Variants in GRP observed in about 807,000 individuals in gnomAD.
The protein encoded by GRP is gastrin releasing peptide.
GRP carries 11 observed loss-of-function variants against 12.7 expected under a neutral mutation model. The ratio of observed to expected loss-of-function variants is 0.87; its 90% CI spans 0.55 to 1.44. GRP has a LOEUF of 1.44. Ranked by LOEUF, GRP falls within the 40% of genes most tolerant of loss-of-function variation. GRP has a pLI of 0.00. For missense variants in GRP, 212 were observed against 185.4 expected, an observed-to-expected ratio of 1.14 and a Z score of -0.83; for synonymous variants, 84 against 77.7, an observed-to-expected ratio of 1.08 and a Z score of -0.43.
chr18:59,224,869 C>G (rs58564499), intron 1 of GRP, among the ~76,000 whole-genome samples: 4,989 of 152,288 alleles, frequency 0.033, 109 homozygotes, highest in African/African-American at 0.061. Flanking sequence ...TTTTTCACTA[C>G]ACTCTTAACA....
At chr18:59,225,856 G>A in intron 2 of GRP, 122 bp downstream of exon 2, 1 of 806,746 alleles carries the variant, frequency 1.2e-6, no homozygotes, top group Admixed American at 2.5e-5. Flanking sequence ...CACTACATTA[G>A]GCTAACACAT....
At chr18:59,227,002 T>TTTCTTTCC (rs2069937391) in intron 2 of GRP, among the ~76,000 whole-genome samples, 1 of 100,520 alleles carries the variant, frequency 9.9e-6, no homozygotes, top group African/African-American at 4.0e-5. Flanking sequence ...CCTTTCTTTC[T>TTTCTTTCC]TTCTTTCTTT....
chr18:59,219,601 CA>C (rs2069795009), upstream of GRP, among the ~76,000 whole-genome samples: 1 of 143,970 alleles, frequency 6.9e-6, no homozygotes, highest in Admixed American at 7.2e-5. Flanking sequence ...AAGAAAGAGG[CA>C]AGGTCCAGAA....
chr18:59,227,001 CT>C (rs2069937201), intron 2 of GRP, among the ~76,000 whole-genome samples: 1 of 66,184 alleles, frequency 1.5e-5, no homozygotes, highest in African/African-American at 5.4e-5. Context: ...TCCTTTCTTT[CT>C]TTCTTTCTTT....
At chr18:59,228,844 G>C (rs1478216654) in intron 2 of GRP, among the ~76,000 whole-genome samples, 5 of 152,124 alleles carry the variant, frequency 3.3e-5, no homozygotes, top group Non-Finnish European at 7.4e-5. Flanking sequence ...TCACTGTCCT[G>C]GGTTTCAATG....
chr18:59,220,779 T>C (rs895206295), intron 1 of GRP, among the ~76,000 whole-genome samples: 24 of 152,302 alleles, frequency 1.6e-4, no homozygotes, highest in Non-Finnish European at 2.9e-4. Context: ...GGTACTCTCC[T>C]AGAATAATCT....
At chr18:59,225,824 T>C in intron 2 of GRP, 90 bp downstream of exon 2, 1 of 1,219,106 alleles carries the variant, frequency 8.2e-7, no homozygotes, top group Non-Finnish European at 1.2e-6. Context: ...ATAGAATTGC[T>C]TATGATATAA....
At chr18:59,221,646 G>T (rs2069837800) in intron 1 of GRP, among the ~76,000 whole-genome samples, 1 of 151,792 alleles carries the variant, frequency 6.6e-6, no homozygotes, top group Non-Finnish European at 1.5e-5. Flanking sequence ...TAGAACGGGC[G>T]CTGGGGAACG....
Position 59,225,636 on chromosome 18 carries a change from A to T in GRP, c.284A>T (p.Asn95Ile). Reference sequence around the variant, plus strand: ...CTCATAGAAGCAAAGGAGAACAGAAACCACCAGCCACCTCAACCCAAGGCC... The same window carrying T: ...CTCATAGAAGCAAAGGAGAACAGAATCCACCAGCCACCTCAACCCAAGGCC... ...LGLIEAKENR[N>I]HQPPQPKALG... Residue 95 changes from asparagine (N) to isoleucine (I), a missense_variant, in exon 2 of 3, where the codon AAC (asparagine) becomes ATC (isoleucine). By Grantham distance (149) the Asn-to-Ile change is moderately radical. Coordinates refer to ENST00000256857, the MANE Select transcript of GRP (RefSeq NM_002091.5). 6.2e-7 allele frequency: 1 copy of T among 1,614,128 alleles called. No individual in the cohort carries two copies. The highest frequency in any genetic ancestry group is 8.5e-7 in the Non-Finnish European group (1 of 1,180,008).
rs750477305 is a variant in GRP at position 59,225,707 on chromosome 18, T to TATCC, written c.355_356insATCC (p.Phe119TyrfsTer13). The TATCC allele has an allele frequency of 1.2e-6, 2 of 1,613,958 alleles. No homozygotes were observed. Among genetic ancestry groups the TATCC allele is most frequent in the South Asian group, 2.2e-5 (2 of 91,054 alleles). ...GTGGGATTCAGAGGATAGCAGCAAC[T>TATCC]TCAAAGATGTAGGTTCAAAAGGCAA... On this transcript the variant is annotated frameshift_variant, in exon 2 of 3. Coordinates refer to ENST00000256857, the MANE Select transcript of GRP (RefSeq NM_002091.5). LOFTEE classifies it low-confidence loss of function (END_TRUNC).
intron 2 of GRP, 141 bp downstream of exon 2, chr18:59,225,875 C>A: frequency 1.5e-6 from 1 of 645,506 alleles, no homozygotes. Context: ...ATGCTAAGCA[C>A]ATTGACAGAC....
Position 59,220,368 on chromosome 18 carries a change from A to T in GRP, c.103A>T (p.Thr35Ser), listed in dbSNP as rs1485501052. ...PLPAGGGTVLTKMYPRGNHWA... is the reference protein window; with the variant it reads ...PLPAGGGTVLSKMYPRGNHWA... ...GCCTGCGGGCGGAGGGACCGTGCTGACCAAGATGTACCCGCGCGGCAACCA... is the reference window on the plus strand; with the variant it reads ...GCCTGCGGGCGGAGGGACCGTGCTGTCCAAGATGTACCCGCGCGGCAACCA... The change falls in exon 1 of 3, where the codon ACC becomes TCC. Residue 35 changes from threonine to serine, a missense_variant. Physicochemically the swap from Thr to Ser is moderately conservative, Grantham distance 58 (BLOSUM62 1). Transcript: ENST00000256857. 1 of 1,431,312 alleles carries T rather than the reference A, an allele frequency of 7.0e-7. No homozygotes were observed. Among genetic ancestry groups the T allele is most frequent in the African/African-American group, 1.5e-5 (1 of 67,034 alleles). 88.7% of individuals were successfully genotyped at this position (1,431,312 alleles called of 1,614,324 possible).
upstream of GRP, among the ~76,000 whole-genome samples, chr18:59,219,486 GGGTAT>G (rs1439256449): frequency 1.2e-3 from 92 of 76,306 alleles, 9 homozygotes; most frequent in African/African-American, 4.3e-3. Flanking sequence ...GGGGAGGGGA[GGGTAT>G]GGGAGTGGAG....
intron 2 of GRP, among the ~76,000 whole-genome samples, chr18:59,229,967 A>C (rs967771624): frequency 2.0e-4 from 31 of 152,312 alleles, no homozygotes; most frequent in Middle Eastern, 3.4e-3. Flanking sequence ...AAAGTAAGCA[A>C]AGTAAGAATT....
rs767058198 is a variant in GRP, at chr18:59,220,256, C to G, written c.-10C>G. 8.7e-6 allele frequency: 13 copies of G among 1,493,810 alleles called. No individual in the cohort carries two copies. Among genetic ancestry groups the G allele is most frequent in the East Asian group, 2.7e-5 (1 of 36,408 alleles). The allele number at this position is 1,493,810 out of a possible 1,614,324, so 92.5% of individuals were successfully genotyped here. A position where few individuals can be genotyped will look rare whatever the true frequency, so the allele number is the denominator to read the frequency against. The stretch of plus-strand genomic sequence containing the variant: ...TCTCCGGCGCGCTCCAAGGGCTTCC[C>G]GTCGGGACCATGCGCGGCCGTGAGC... On this transcript the variant is annotated 5_prime_UTR_variant, in exon 1 of 3. Transcript: ENST00000256857.
Position 59,220,191 on chromosome 18 carries a change from C to A in GRP, c.-75C>A. On this transcript the variant is annotated 5_prime_UTR_variant, in exon 1 of 3. Coordinates refer to ENST00000256857, the MANE Select transcript of GRP (RefSeq NM_002091.5). The stretch of plus-strand genomic sequence containing the variant: ...CACCAGCGGCTGCGGCGGCGGAGCT[C>A]CTCCGAGGTCCGGGTCACCAGTCTC... 8.1e-7 allele frequency: 1 copy of A among 1,240,690 alleles called. No individual in the cohort carries two copies. The highest frequency in any genetic ancestry group is 1.8e-5 in the South Asian group (1 of 54,784). The allele number at this position is 1,240,690 out of a possible 1,614,324, so 76.9% of individuals were successfully genotyped here.
At chr18:59,220,846 A>T (rs1261262358) in intron 1 of GRP, among the ~76,000 whole-genome samples, 1 of 152,120 alleles carries the variant, frequency 6.6e-6, no homozygotes, top group Non-Finnish European at 1.5e-5. Context: ...CGGTGGCCTC[A>T]ACAGCGACTG....
chr18:59,225,560 C>G lies in GRP; in HGVS notation c.208C>G (p.Gln70Glu). ...TTCTGAGAGAGGGAGCCTGAAGCAG[C>G]AGCTGAGAGAGTACATCAGGTGGGA... ...SVSERGSLKQ[Q>E]LREYIRWEEA... The change falls in exon 2 of 3, where the codon CAG becomes GAG. Residue 70 changes from glutamine to glutamate, a missense_variant. Physicochemically the swap from Gln to Glu is conservative, Grantham distance 29. Coordinates refer to ENST00000256857, the MANE Select transcript of GRP (RefSeq NM_002091.5). 9 of 1,613,858 alleles carry G rather than the reference C, an allele frequency of 5.6e-6. No individual in the cohort carries two copies. Among genetic ancestry groups the G allele is most frequent in the Non-Finnish European group, 6.8e-6 (8 of 1,179,770 alleles).
At chr18:59,230,340 A>T (rs2144118151) in intron 2 of GRP, 64 bp from the exon 3 acceptor site, 1 of 924,296 alleles carries the variant, frequency 1.1e-6, no homozygotes, top group East Asian at 2.4e-5. Context: ...GTAGGAATGG[A>T]TTTACTTCTA....
Sources: allele counts gnomAD v4.1 joint callset (sites outside exome capture counted in the v4.1 genomes callset), GRCh38; gene constraint gnomAD v4.1.1; transcripts MANE v1.5; gene names NCBI Gene and HGNC (gene_info 2026-07-23, HGNC 2026-07-21).